Variants in PTPRD observed in about 807,000 individuals in gnomAD.
PTPRD encodes the protein receptor-type tyrosine-protein phosphatase delta.
In PTPRD, 34 loss-of-function variants were observed where a neutral mutation model predicts 214.5. That is an observed-to-expected ratio of 0.16 (90% CI 0.12 to 0.21). The LOEUF (loss-of-function observed/expected upper bound fraction) is 0.21, where lower values mean the gene tolerates loss of function less well. Among genes scored for constraint, PTPRD ranks in the 10% least tolerant of loss-of-function variants. PTPRD has a pLI of 1.00. For synonymous variants in PTPRD, 1,128 were observed against 845.7 expected (o/e 1.33, Z -5.79); for missense variants, 2,545 against 2,398.7 (o/e 1.06, Z -1.27).
chr9:8,815,091 T>G (rs1276322382), intron 11 of PTPRD, among the ~76,000 whole-genome samples: 3 of 151,294 alleles, frequency 2.0e-5, no homozygotes, highest in Non-Finnish European at 4.4e-5. Flanking sequence ...AAAGGTGACA[T>G]CACTTTATAT....
At chr9:10,075,484 T>C (rs975802467) in intron 3 of PTPRD, among the ~76,000 whole-genome samples, 2 of 151,978 alleles carry the variant, frequency 1.3e-5, no homozygotes, top group East Asian at 1.9e-4. Context: ...TTATATACTT[T>C]ATTATTTTAT....
chr9:10,322,154 G>C (rs990771467), intron 3 of PTPRD, among the ~76,000 whole-genome samples: 1 of 152,028 alleles, frequency 6.6e-6, no homozygotes, highest in Admixed American at 6.6e-5. Flanking sequence ...TGATCAGCTT[G>C]TGAAAGACCA....
At chr9:8,402,607 A>G (rs2130369704) in intron 36 of PTPRD, among the ~76,000 whole-genome samples, 1 of 152,264 alleles carries the variant, frequency 6.6e-6, no homozygotes, top group African/African-American at 2.4e-5. Context: ...TTGCTAATGG[A>G]AAAAAGATTT....
intron 11 of PTPRD, among the ~76,000 whole-genome samples, chr9:8,830,937 G>A (rs1314998227): frequency 1.3e-5 from 2 of 152,212 alleles, no homozygotes; most frequent in South Asian, 2.1e-4. Context: ...TGATATATCA[G>A]CATTTAGTAT....
intron 37 of PTPRD, 43 bp downstream of exon 37, chr9:8,389,189 A>G (rs2135625284): frequency 6.5e-7 from 1 of 1,541,952 alleles, no homozygotes; most frequent in Admixed American, 1.9e-5. Context: ...AGGGACTCTG[A>G]GGGAAAATTT....
At chr9:9,155,113 C>A (rs977066560) in intron 10 of PTPRD, among the ~76,000 whole-genome samples, 2 of 152,058 alleles carry the variant, frequency 1.3e-5, no homozygotes, top group Non-Finnish European at 2.9e-5. Flanking sequence ...TTATGTAGTA[C>A]GAAATGACGA....
intron 7 of PTPRD, among the ~76,000 whole-genome samples, chr9:9,612,364 C>A (rs1371950034): frequency 1.3e-5 from 2 of 152,124 alleles, no homozygotes; most frequent in Admixed American, 1.3e-4. Context: ...AATCTGGTTG[C>A]TGCTGGGCAT....
At position 10,196,969 on chromosome 9, in the gene PTPRD, C is replaced by A. The variant is rs765367509; in HGVS notation, c.-545+143994G>T. ...TATGAACAAAGAAGATGGCCCTCAT[C>A]GGAACCTGACCATGCTGGCACGCTG... On this transcript the variant is annotated intron_variant, in intron 3 of 45. Coordinates refer to ENST00000381196, the MANE Select transcript of PTPRD (RefSeq NM_002839.4). Among the ~76,000 whole-genome samples, 8 of 152,098 alleles carry A rather than the reference C, an allele frequency of 5.3e-5. No individual in the cohort carries two copies. The East Asian group carries it at 1.5e-3, about 29-fold the overall frequency.
intron 3 of PTPRD, among the ~76,000 whole-genome samples, chr9:10,100,031 G>A (rs921664919): frequency 5.3e-5 from 8 of 151,492 alleles, no homozygotes; most frequent in South Asian, 4.2e-4. Context: ...ATGTGTTTTC[G>A]GTGTGAGTAT....
intron 2 of PTPRD, among the ~76,000 whole-genome samples, chr9:10,413,301 C>T (rs1483311994): frequency 6.6e-6 from 1 of 151,858 alleles, no homozygotes; most frequent in Non-Finnish European, 1.5e-5. Context: ...CAATAGTATT[C>T]CTGTACACCA....
At position 10,609,693 on chromosome 9, in the gene PTPRD, A is replaced by C. The variant is rs147140532; in HGVS notation, c.-600+2705T>G. Among the ~76,000 whole-genome samples the C allele has an allele frequency of 2.6e-5, 4 of 152,266 alleles. No individual in the cohort carries two copies. The East Asian group carries it at 7.7e-4, about 29-fold the overall frequency. On this transcript the variant is annotated intron_variant, in intron 2 of 45. Transcript: ENST00000381196. ...ATATCATGGCATTCCATAAAGAATAAAGCAAAAAAAGTTATGAATAGCTCA... is the reference window on the plus strand; with the variant it reads ...ATATCATGGCATTCCATAAAGAATACAGCAAAAAAAGTTATGAATAGCTCA...
At chr9:8,548,243 C>G (rs1382101780) in intron 14 of PTPRD, among the ~76,000 whole-genome samples, 1 of 152,036 alleles carries the variant, frequency 6.6e-6, no homozygotes, top group Admixed American at 6.6e-5. Flanking sequence ...TGTTTGCGGA[C>G]AGGGGTAGGA....
intron 2 of PTPRD, among the ~76,000 whole-genome samples, chr9:10,386,772 G>A (rs1458220399): frequency 6.6e-6 from 1 of 151,796 alleles, no homozygotes; most frequent in Non-Finnish European, 1.5e-5. Context: ...AAGAACAATG[G>A]ATCCCCAAAA....
rs539261661 is a variant in PTPRD at position 9,545,182 on chromosome 9, T to C, written c.-237+29550A>G. 2.6e-5 allele frequency among the ~76,000 whole-genome samples: 4 copies of C among 151,878 alleles called. No homozygotes were observed. The East Asian group carries it at 7.8e-4, about 30-fold the overall frequency. On this transcript the variant is annotated intron_variant, in intron 8 of 45. Transcript: ENST00000381196. ...TTCCTTTGTTTACCTTAGGGTTCAC[T>C]CTATGCATGAGTTCAAACTCATTCT... is the stretch of plus-strand genomic sequence containing the variant.
chr9:9,202,264 G>T (rs1040329655), intron 9 of PTPRD, among the ~76,000 whole-genome samples: 5 of 152,142 alleles, frequency 3.3e-5, no homozygotes, highest in Non-Finnish European at 7.4e-5. Context: ...CAGATCTATT[G>T]CAGTCTTACC....
chr9:9,291,908 C>A lies in PTPRD; in HGVS notation c.-203+105541G>T, dbSNP rs528237881. ...GTATGGTATATATATATATATATAT[C>A]TCAAATGAATGTCATGTATTATAAA... On this transcript the variant is annotated intron_variant, in intron 9 of 45. Transcript: ENST00000381196. 4.1e-5 allele frequency among the ~76,000 whole-genome samples: 6 copies of A among 146,148 alleles called. No homozygotes were observed. In the East Asian group the frequency reaches 1.2e-3, roughly 29 times the overall value.
chr9:9,078,306 C>T (rs1325939921), intron 10 of PTPRD, among the ~76,000 whole-genome samples: 1 of 152,044 alleles, frequency 6.6e-6, no homozygotes, highest in African/African-American at 2.4e-5. Flanking sequence ...CTGAGTTCTG[C>T]TGAAAAATCA....
chr9:10,002,378 G>A (rs2096346147), intron 4 of PTPRD, among the ~76,000 whole-genome samples: 1 of 147,748 alleles, frequency 6.8e-6, no homozygotes. Context: ...TAAATGCTGA[G>A]GTTGGGAGAA....
intron 11 of PTPRD, among the ~76,000 whole-genome samples, chr9:8,836,841 C>A (rs147718445): frequency 6.6e-6 from 1 of 151,526 alleles, no homozygotes; most frequent in East Asian, 1.9e-4. Context: ...CGTGATCCAC[C>A]CAACAGCTGA....
Sources: allele counts gnomAD v4.1 joint callset (sites outside exome capture counted in the v4.1 genomes callset), GRCh38; gene constraint gnomAD v4.1.1; transcripts MANE v1.5; gene names NCBI Gene and HGNC (gene_info 2026-07-23, HGNC 2026-07-21).